The following RASAL2 variants were observed in gnomAD, a reference collection of about 807,000 sequenced individuals.
RASAL2 encodes the protein ras GTPase-activating protein nGAP.
Under a neutral mutation model 128.9 loss-of-function variants are expected in RASAL2, and 58 were observed. The observed-to-expected ratio is 0.45, with a 90% CI of 0.36 to 0.56. The LOEUF is 0.56. Ranked by LOEUF, RASAL2 falls within the 20% of genes least tolerant of loss-of-function variation. RASAL2 has a pLI of 0.00. For synonymous variants in RASAL2, 561 were observed against 580.8 expected, an observed-to-expected ratio of 0.97 and a Z score of 0.49; for missense variants, 1,360 against 1,601.6, an observed-to-expected ratio of 0.85 and a Z score of 2.57.
chr1:178,450,522 CT>C (rs1490800714), intron 9 of RASAL2, among the ~76,000 whole-genome samples: 7 of 152,210 alleles, frequency 4.6e-5, no homozygotes, highest in Non-Finnish European at 1.0e-4. Context: ...TTTTTAAAAG[CT>C]TTCATTTATC....
intron 1 of RASAL2, among the ~76,000 whole-genome samples, chr1:178,230,272 C>G (rs1663949065): frequency 6.6e-6 from 1 of 152,028 alleles, no homozygotes; most frequent in African/African-American, 2.4e-5. Flanking sequence ...CATTTAGGTA[C>G]AAGTATATAT....
At chr1:178,122,693 GT>G (rs558581337) in intron 1 of RASAL2, among the ~76,000 whole-genome samples, 4 of 151,772 alleles carry the variant, frequency 2.6e-5, no homozygotes, top group Non-Finnish European at 4.4e-5. Flanking sequence ...TAAAGTTTTT[GT>G]TTTTTTTGAA....
chr1:178,242,711 G>A (rs1664571019), intron 1 of RASAL2, among the ~76,000 whole-genome samples: 1 of 151,798 alleles, frequency 6.6e-6, no homozygotes, highest in Admixed American at 6.6e-5. Flanking sequence ...TAGATCTCTG[G>A]TGATACAGAT....
intron 3 of RASAL2, among the ~76,000 whole-genome samples, chr1:178,377,636 T>A (rs1510266): frequency 0.23 from 34,303 of 151,976 alleles, 6,772 homozygotes; most frequent in African/African-American, 0.54. Flanking sequence ...GTTAGAAAAA[T>A]CTCTCATTGA....
chr1:178,258,234 C>T (rs1425862104), intron 1 of RASAL2, among the ~76,000 whole-genome samples: 1 of 145,732 alleles, frequency 6.9e-6, no homozygotes, highest in African/African-American at 2.6e-5. Flanking sequence ...GTGGAGTTTG[C>T]AGTGAGCCAA....
intron 4 of RASAL2, among the ~76,000 whole-genome samples, chr1:178,417,616 C>T (rs971584135): frequency 2.0e-5 from 3 of 151,718 alleles, no homozygotes; most frequent in South Asian, 2.1e-4. Flanking sequence ...ACAAAATTAG[C>T]CAGGTGTGTA....
At chr1:178,175,398 T>C (rs146918259) in intron 1 of RASAL2, among the ~76,000 whole-genome samples, 2 of 151,814 alleles carry the variant, frequency 1.3e-5, no homozygotes, top group Non-Finnish European at 2.9e-5. Flanking sequence ...CTGTTGGAAC[T>C]GTATCCATCC....
In RASAL2 at chr1:178,194,165, T is replaced by C. The variant is rs554891444; in HGVS notation, c.203-89399T>C. ...ATCCCTTCTGTATATTAGCAACTTATCACTCCTGAGCAACATCTCATTACT... is the reference window on the plus strand; with the variant it reads ...ATCCCTTCTGTATATTAGCAACTTACCACTCCTGAGCAACATCTCATTACT... On this transcript the variant is annotated intron_variant, in intron 1 of 17. Transcript: ENST00000367649. Among the ~76,000 whole-genome samples, 5 of 152,332 alleles carry C rather than the reference T, an allele frequency of 3.3e-5. No homozygotes were observed. The South Asian group carries it at 1.0e-3, about 32-fold the overall frequency.
chr1:178,239,573 T>A (rs974018662), intron 1 of RASAL2, among the ~76,000 whole-genome samples: 6 of 152,122 alleles, frequency 3.9e-5, no homozygotes, highest in Non-Finnish European at 7.4e-5. Context: ...AAGGCATGAT[T>A]ACTGTTTCCA....
At chr1:178,142,297 G>A (rs1193530811) in intron 1 of RASAL2, among the ~76,000 whole-genome samples, 6 of 152,164 alleles carry the variant, frequency 3.9e-5, no homozygotes, top group African/African-American at 1.4e-4. Flanking sequence ...CCCAGGATGT[G>A]TCTAGGGATG....
intron 1 of RASAL2, among the ~76,000 whole-genome samples, chr1:178,178,750 T>C (rs1558098257): frequency 6.6e-6 from 1 of 152,130 alleles, no homozygotes; most frequent in Non-Finnish European, 1.5e-5. Context: ...AAAAGAAACC[T>C]GGAAAATAGG....
intron 3 of RASAL2, among the ~76,000 whole-genome samples, chr1:178,388,459 T>A (rs1672709997): frequency 6.6e-6 from 1 of 152,176 alleles, no homozygotes; most frequent in African/African-American, 2.4e-5. Context: ...CTAGTGATGG[T>A]TAGAGAGAAG....
intron 4 of RASAL2, among the ~76,000 whole-genome samples, chr1:178,418,652 C>G (rs1354895926): frequency 1.3e-5 from 2 of 152,148 alleles, no homozygotes; most frequent in African/African-American, 4.8e-5. Context: ...GGAGCAATGC[C>G]TGCATGTTTA....
At chr1:178,432,414 C>T (rs1022903596) in intron 5 of RASAL2, among the ~76,000 whole-genome samples, 2 of 152,038 alleles carry the variant, frequency 1.3e-5, no homozygotes, top group African/African-American at 4.8e-5. Context: ...ATACTTGACT[C>T]ACCTGGTTTT....
intron 1 of RASAL2, among the ~76,000 whole-genome samples, chr1:178,227,644 A>G (rs1483539420): frequency 6.6e-6 from 1 of 152,204 alleles, no homozygotes; most frequent in Non-Finnish European, 1.5e-5. Flanking sequence ...TAGGTGCTCA[A>G]TAACTATTTG....
intron 1 of RASAL2, among the ~76,000 whole-genome samples, chr1:178,197,611 G>GAAAAAAAA (rs57628750): frequency 4.9e-4 from 46 of 94,246 alleles, no homozygotes; most frequent in African/African-American, 1.6e-3. Flanking sequence ...TCCATCTGGG[G>GAAAAAAAA]AAAAAAAAAA....
intron 8 of RASAL2, among the ~76,000 whole-genome samples, chr1:178,444,788 G>A (rs1054771092): frequency 6.4e-4 from 97 of 152,204 alleles, no homozygotes; most frequent in African/African-American, 2.1e-3. Context: ...ACTGTGGACC[G>A]ATTTGTAAGT....
chr1:178,307,401 T>A (rs1668048847), intron 3 of RASAL2, among the ~76,000 whole-genome samples: 3 of 152,162 alleles, frequency 2.0e-5, no homozygotes, highest in Non-Finnish European at 2.9e-5. Context: ...AGTAACAGTA[T>A]CCAGATTTTA....
chr1:178,298,541 T>C (rs1200394658), intron 2 of RASAL2, among the ~76,000 whole-genome samples: 5 of 152,216 alleles, frequency 3.3e-5, no homozygotes, highest in African/African-American at 9.6e-5. Context: ...TCACAGGAGT[T>C]GGATTACGGA....
Sources: gnomAD v4.1 joint callset for allele counts (sites outside exome capture counted in the v4.1 genomes callset) on GRCh38, gnomAD v4.1.1 for gene constraint, MANE v1.5 for transcripts, NCBI Gene and HGNC (gene_info 2026-07-23, HGNC 2026-07-21) for gene names.